CTNNA2: variants seen among roughly 807,000 people sequenced by gnomAD.
CTNNA2 encodes catenin alpha 2.
Under a neutral mutation model 101.0 loss-of-function variants are expected in CTNNA2, and 42 were observed. The observed-to-expected ratio is 0.42, with a 90% CI of 0.32 to 0.54. The LOEUF is 0.54. Ranked by LOEUF, CTNNA2 falls within the 20% of genes least tolerant of loss-of-function variation. The pLI is 0.14. For missense variants in CTNNA2, 871 were observed against 1,223.1 expected (o/e 0.71, Z 4.29); for synonymous variants, 450 against 456.4 (o/e 0.99, Z 0.18).
chr2:80,002,573 G>C (rs1046230780), intron 7 of CTNNA2, among the ~76,000 whole-genome samples: 5 of 152,158 alleles, frequency 3.3e-5, no homozygotes, highest in African/African-American at 9.6e-5. Context: ...GGAGAGGGAG[G>C]GGGCAGGGAA....
intron 1 of CTNNA2, among the ~76,000 whole-genome samples, chr2:79,187,756 A>C (rs893443383): frequency 2.6e-5 from 4 of 152,210 alleles, no homozygotes; most frequent in Non-Finnish European, 5.9e-5. Flanking sequence ...CTTGGATTAA[A>C]ATAATGCTCA....
intron 2 of CTNNA2, among the ~76,000 whole-genome samples, chr2:79,675,482 A>G (rs1683122391): frequency 6.6e-6 from 1 of 152,222 alleles, no homozygotes; most frequent in Non-Finnish European, 1.5e-5. Flanking sequence ...CTTGGGAATT[A>G]TATGGCTGCT....
At chr2:79,521,163 T>TATATATATATATAA (rs1672100553) in intron 1 of CTNNA2, among the ~76,000 whole-genome samples, 1 of 96,488 alleles carries the variant, frequency 1.0e-5, no homozygotes, top group African/African-American at 4.6e-5. Context: ...TATATATATA[T>TATATATATATATAA]ATATAAATTT....
chr2:79,657,109 A>G (rs1394178389), intron 2 of CTNNA2, among the ~76,000 whole-genome samples: 1 of 151,892 alleles, frequency 6.6e-6, no homozygotes, highest in African/African-American at 2.4e-5. Context: ...GAAAACTGGA[A>G]TCACTAGAAT....
intron 7 of CTNNA2, among the ~76,000 whole-genome samples, chr2:80,205,641 G>A (rs1707487095): frequency 6.6e-6 from 1 of 152,144 alleles, no homozygotes; most frequent in African/African-American, 2.4e-5. Context: ...GGTTGATATT[G>A]GATGCTCATG....
intron 7 of CTNNA2, among the ~76,000 whole-genome samples, chr2:80,100,360 T>C (rs1230079908): frequency 6.6e-6 from 1 of 152,196 alleles, no homozygotes; most frequent in Non-Finnish European, 1.5e-5. Flanking sequence ...GGTTCAACAA[T>C]TTACTTGTTA....
chr2:79,214,916 G>C (rs904767499), intron 2 of CTNNA2, among the ~76,000 whole-genome samples: 1 of 152,000 alleles, frequency 6.6e-6, no homozygotes, highest in African/African-American at 2.4e-5. Context: ...AACAGTTCTG[G>C]AGGCAAGGGA....
chr2:79,983,594 G>A (rs1334008166), intron 7 of CTNNA2, among the ~76,000 whole-genome samples: 2 of 152,100 alleles, frequency 1.3e-5, no homozygotes, highest in African/African-American at 4.8e-5. Context: ...GAACAAGCTT[G>A]GAGTCTTCAA....
intron 4 of CTNNA2, among the ~76,000 whole-genome samples, chr2:79,426,281 A>G (rs930280547): frequency 6.6e-6 from 1 of 152,134 alleles, no homozygotes; most frequent in Non-Finnish European, 1.5e-5. Flanking sequence ...GGACAAAAAC[A>G]TAGGATGCAG....
chr2:79,418,710 A>G (rs761357564), intron 4 of CTNNA2, among the ~76,000 whole-genome samples: 1 of 152,062 alleles, frequency 6.6e-6, no homozygotes, highest in Non-Finnish European at 1.5e-5. Context: ...TAAAGAAGGC[A>G]CTGTGAATGA....
At chr2:79,562,546 A>G (rs1674845274) in intron 1 of CTNNA2, among the ~76,000 whole-genome samples, 1 of 152,036 alleles carries the variant, frequency 6.6e-6, no homozygotes, top group South Asian at 2.1e-4. Flanking sequence ...ATCTGTTTGA[A>G]CAGAAATTGA....
intron 2 of CTNNA2, among the ~76,000 whole-genome samples, chr2:79,286,036 G>T (rs1383511909): frequency 1.3e-5 from 2 of 150,842 alleles, no homozygotes; most frequent in Non-Finnish European, 2.9e-5. Context: ...TTTGATCTTT[G>T]TTGGTTTAAA....
chr2:79,195,793 C>T (rs1426294489), intron 1 of CTNNA2: 2 of 512,096 alleles, frequency 3.9e-6, no homozygotes, highest in Non-Finnish European at 7.8e-6. Context: ...ATCCTCCTCA[C>T]ACAAAGCAAG....
chr2:80,552,761 A>G (rs143434935), intron 11 of CTNNA2, among the ~76,000 whole-genome samples: 1 of 152,350 alleles, frequency 6.6e-6, no homozygotes, highest in African/African-American at 2.4e-5. Flanking sequence ...TTGGAATACA[A>G]TAGTAAGTTT....
intron 6 of CTNNA2, among the ~76,000 whole-genome samples, chr2:79,906,759 G>A (rs780505648): frequency 4.6e-5 from 7 of 152,128 alleles, no homozygotes; most frequent in South Asian, 4.1e-4. Flanking sequence ...TAATTCATGC[G>A]TTTTAAAAGC....
chr2:79,960,180 A>T (rs1434121), intron 7 of CTNNA2, among the ~76,000 whole-genome samples: 93,758 of 152,020 alleles, frequency 0.62, 29,297 homozygotes, highest in East Asian at 0.69. Flanking sequence ...GATCCTGACA[A>T]AAGAAAAAGC....
intron 2 of CTNNA2, among the ~76,000 whole-genome samples, chr2:79,248,879 A>G (rs1674731802): frequency 6.6e-6 from 1 of 152,102 alleles, no homozygotes; most frequent in African/African-American, 2.4e-5. Flanking sequence ...TCCCTTTTAA[A>G]TGTTTTCGTC....
intron 3 of CTNNA2, among the ~76,000 whole-genome samples, chr2:79,778,300 G>A (rs906563214): frequency 3.3e-5 from 5 of 151,596 alleles, no homozygotes; most frequent in Admixed American, 6.6e-5. Flanking sequence ...AGCCGAGATC[G>A]CATCACTGCA....
chr2:80,424,383 A>G (rs116310411), intron 9 of CTNNA2, among the ~76,000 whole-genome samples: 1 of 152,332 alleles, frequency 6.6e-6, no homozygotes, highest in African/African-American at 2.4e-5. Flanking sequence ...ATGGGACTCT[A>G]TGAGGCTTTG....
Sources: allele counts gnomAD v4.1 joint callset (sites outside exome capture counted in the v4.1 genomes callset), GRCh38; gene constraint gnomAD v4.1.1; transcripts MANE v1.5; gene names NCBI Gene and HGNC (gene_info 2026-07-23, HGNC 2026-07-21).